LAMA2: variants seen among roughly 807,000 people sequenced by gnomAD.
LAMA2 encodes laminin subunit alpha-2.
In LAMA2, 269 loss-of-function variants were observed where a neutral mutation model predicts 364.8. The observed-to-expected ratio is 0.74, with a 90% confidence interval of 0.67 to 0.82. The LOEUF (loss-of-function observed/expected upper bound fraction) is 0.82. Among genes scored for constraint, LAMA2 ranks in the 40% least tolerant of loss-of-function variants. The pLI, the probability that LAMA2 is intolerant of heterozygous loss-of-function variation, is 0.00. For missense variants in LAMA2, 3,807 were observed against 3,873.2 expected, an observed-to-expected ratio of 0.98 and a Z score of 0.45; for synonymous variants, 1,379 against 1,370.6, an observed-to-expected ratio of 1.01 and a Z score of -0.14.
intron 29 of LAMA2, among the ~76,000 whole-genome samples, chr6:129,335,145 A>G (rs1358905032): frequency 1.3e-5 from 2 of 152,216 alleles, no homozygotes; most frequent in Non-Finnish European, 2.9e-5. Context: ...TCTTCATCAT[A>G]CCTAATGATA....
At chr6:129,131,578 G>A (rs1231481877) in intron 4 of LAMA2, among the ~76,000 whole-genome samples, 1 of 152,102 alleles carries the variant, frequency 6.6e-6, no homozygotes, top group Non-Finnish European at 1.5e-5. Flanking sequence ...TGGGAGGAGA[G>A]GTCCCTTTGT....
chr6:128,883,795 T>TACAC lies in LAMA2; in HGVS notation c.112+439_112+440insCACA, dbSNP rs1189690006. Among the ~76,000 whole-genome samples the TACAC allele has an allele frequency of 3.9e-3, 512 of 132,744 alleles. 4 individuals are homozygous for TACAC. Among genetic ancestry groups the TACAC allele is most frequent in the African/African-American group, 0.016 (490 of 29,898 alleles). 87.1% of individuals were successfully genotyped at this position (132,744 alleles called of 152,430 possible). A position where few individuals can be genotyped will look rare whatever the true frequency, so the allele number is the denominator to read the frequency against. Reference sequence around the variant, plus strand: ...ATGCATCAAAAAAAAATTATATATATATATATACACACACACACACACACA... The same window carrying TACAC: ...ATGCATCAAAAAAAAATTATATATATACACATATATACACACACACACACACACA... On this transcript the variant is annotated intron_variant, in intron 1 of 64. Transcript: ENST00000421865.
chr6:128,883,369 G>T lies in LAMA2; in HGVS notation c.112+12G>T, dbSNP rs1775924507. On this transcript the variant is annotated intron_variant, in intron 1 of 64. Coordinates refer to ENST00000421865, the MANE Select transcript of LAMA2 (RefSeq NM_000426.4). ...ACATCAGCAAAGAGGTACAGTCGAG[G>T]CATGGGCTTGGGTTGCATCCTTTGC... 23 of 1,580,740 alleles carry T rather than the reference G, an allele frequency of 1.5e-5. No individual in the cohort carries two copies. Among genetic ancestry groups the T allele is most frequent in the Non-Finnish European group, 2.0e-5 (23 of 1,163,496 alleles).
intron 1 of LAMA2, among the ~76,000 whole-genome samples, chr6:128,966,514 A>G (rs1781851052): frequency 6.6e-6 from 1 of 152,144 alleles, no homozygotes; most frequent in Admixed American, 6.5e-5. Context: ...TGGAAATAAA[A>G]GAAAAATAAT....
Position 129,200,332 on chromosome 6 carries a change from A to ATGTGTG in LAMA2, c.1782+7480_1782+7481insGTGTGT, listed in dbSNP as rs1229443085. ...TATATATATACGTGTACACATATAC[A>ATGTGTG]TATACACGTATATGTGTACACATAT... On this transcript the variant is annotated intron_variant, in intron 12 of 64. Transcript: ENST00000421865. Among the ~76,000 whole-genome samples the ATGTGTG allele has an allele frequency of 1.4e-3, 208 of 145,108 alleles. 2 individuals are homozygous for ATGTGTG. The highest frequency in any genetic ancestry group is 4.9e-3 in the African/African-American group (196 of 39,832).
chr6:129,253,503 T>C (rs1161422813), intron 14 of LAMA2, among the ~76,000 whole-genome samples: 1 of 152,238 alleles, frequency 6.6e-6, no homozygotes, highest in South Asian at 2.1e-4. Flanking sequence ...CCAAACAATG[T>C]ACCTCTTTTG....
chr6:129,491,998 C>G lies in LAMA2; in HGVS notation c.7996C>G (p.Pro2666Ala), dbSNP rs754416991. 3 of 1,613,858 alleles carry G rather than the reference C, an allele frequency of 1.9e-6. No individual in the cohort carries two copies. The highest frequency in any genetic ancestry group is 2.2e-5 in the East Asian group (1 of 44,858). The change falls in exon 57 of 65, where the codon CCA becomes GCA. Residue 2666 changes from proline to alanine, a missense_variant. Coordinates refer to ENST00000421865, the MANE Select transcript of LAMA2 (RefSeq NM_000426.4). ...EVKKLFVGGA[P>A]PEFQPSPLRN... ...TAAAAAGCTTTTCGTTGGGGGTGCT[C>G]CACCTGAATTTCAACCTTCCCCACT...
intron 58 of LAMA2, among the ~76,000 whole-genome samples, chr6:129,497,711 A>AACTT (rs1480944253): frequency 1.3e-5 from 2 of 152,204 alleles, no homozygotes; most frequent in African/African-American, 2.4e-5. Context: ...TCCTGCCAGC[A>AACTT]ACTTACAGCA....
At chr6:129,237,331 C>CTGTTGTTGT (rs75386790) in intron 12 of LAMA2, among the ~76,000 whole-genome samples, 6 of 150,444 alleles carry the variant, frequency 4.0e-5, no homozygotes, top group Admixed American at 6.6e-5. Context: ...CATTGTTTTT[C>CTGTTGTTGT]TGTTGTTGTT....
intron 40 of LAMA2, among the ~76,000 whole-genome samples, chr6:129,427,035 A>T (rs1443446825): frequency 6.6e-6 from 1 of 152,222 alleles, no homozygotes; most frequent in Non-Finnish European, 1.5e-5. Flanking sequence ...TGAGGAGCAA[A>T]CACTATTAAA....
At chr6:129,445,474 T>C (rs1458939911) in intron 44 of LAMA2, among the ~76,000 whole-genome samples, 193 bp from the exon 45 acceptor site, 1 of 152,222 alleles carries the variant, frequency 6.6e-6, no homozygotes, top group Non-Finnish European at 1.5e-5. Context: ...TGTCCTAACA[T>C]CTACTCCCCT....
At chr6:128,951,240 T>C (rs1780800930) in intron 1 of LAMA2, among the ~76,000 whole-genome samples, 1 of 151,208 alleles carries the variant, frequency 6.6e-6, no homozygotes, top group African/African-American at 2.5e-5. Context: ...ACTCATTTTT[T>C]ATTATTAAAA....
chr6:129,443,639 A>C (rs1303295494), intron 44 of LAMA2, among the ~76,000 whole-genome samples: 8 of 152,206 alleles, frequency 5.3e-5, no homozygotes, highest in Non-Finnish European at 8.8e-5. Context: ...ATTATTCTCA[A>C]CTTCTGTAGA....
intron 56 of LAMA2, among the ~76,000 whole-genome samples, chr6:129,491,565 C>G (rs932624045): frequency 5.9e-5 from 9 of 152,204 alleles, no homozygotes; most frequent in Admixed American, 5.2e-4. Flanking sequence ...AACCTGCCAA[C>G]CCTTATACGG....
intron 20 of LAMA2, among the ~76,000 whole-genome samples, chr6:129,295,302 A>C (rs1773097717): frequency 8.2e-6 from 1 of 122,688 alleles, no homozygotes; most frequent in South Asian, 2.7e-4. Flanking sequence ...TGTGCTTTGC[A>C]AAAAGGAAGC....
chr6:129,400,046 G>C (rs1779880033), intron 37 of LAMA2, among the ~76,000 whole-genome samples: 1 of 152,142 alleles, frequency 6.6e-6, no homozygotes, highest in Non-Finnish European at 1.5e-5. Flanking sequence ...ATTTCTTATG[G>C]TTCTGGAGGC....
chr6:129,186,141 A>G (rs1266010743), intron 10 of LAMA2, among the ~76,000 whole-genome samples: 1 of 151,814 alleles, frequency 6.6e-6, no homozygotes, highest in East Asian at 1.9e-4. Flanking sequence ...TTAGATTAAC[A>G]GTTAAAACAA....
intron 4 of LAMA2, among the ~76,000 whole-genome samples, chr6:129,143,549 G>T (rs1357026518): frequency 6.6e-6 from 1 of 151,884 alleles, no homozygotes; most frequent in East Asian, 1.9e-4. Context: ...CCATACCCCA[G>T]ATTCTTAAGT....
At chr6:129,151,418 G>T (rs1183412603) in intron 7 of LAMA2, among the ~76,000 whole-genome samples, 1 of 152,160 alleles carries the variant, frequency 6.6e-6, no homozygotes, top group African/African-American at 2.4e-5. Flanking sequence ...AGGTCCAGTG[G>T]CATGCTCCTA....
Sources: allele counts gnomAD v4.1 joint callset (sites outside exome capture counted in the v4.1 genomes callset), GRCh38; gene constraint gnomAD v4.1.1; transcripts MANE v1.5; gene names NCBI Gene and HGNC (gene_info 2026-07-23, HGNC 2026-07-21).